ATG4A: variants seen among roughly 807,000 people sequenced by gnomAD.
The protein encoded by ATG4A is cysteine protease ATG4A.
Under a neutral mutation model 38.4 loss-of-function variants are expected in ATG4A, and 22 were observed. The ratio of observed to expected loss-of-function variants is 0.57; its 90% CI spans 0.41 to 0.82. ATG4A has a LOEUF of 0.82. ATG4A is among the 40% of genes least tolerant of loss of function. ATG4A has a pLI of 0.00. For missense variants in ATG4A, 220 were observed against 290.0 expected, an observed-to-expected ratio of 0.76 and a Z score of 1.75; for synonymous variants, 86 against 100.7, an observed-to-expected ratio of 0.85 and a Z score of 0.88.
chrX:108,135,544 C>A (rs954367234), intron 6 of ATG4A, among the ~76,000 whole-genome samples: 1 of 111,763 alleles, frequency 8.9e-6, no homozygotes, highest in Admixed American at 9.5e-5. Flanking sequence ...AATGTAACCT[C>A]TCTGAGGCTG....
Position 108,128,669 on chromosome X carries a change from C to A in ATG4A, c.122-112C>A. 2 of 414,143 alleles carry A rather than the reference C, an allele frequency of 4.8e-6. 1 individual carries two copies. The highest frequency in any genetic ancestry group is 9.5e-5 in the South Asian group (2 of 21,109). 34.1% of individuals were successfully genotyped at this position (414,143 alleles called of 1,213,427 possible). ...GGTTTCCTGTGAATTTACCTAGCCC[C>A]ATAATAATGGAATTGACTGGTTATT... On this transcript the variant is annotated intron_variant, in intron 2 of 12. Coordinates refer to ENST00000372232, the MANE Select transcript of ATG4A (RefSeq NM_052936.5).
intron 1 of ATG4A, among the ~76,000 whole-genome samples, chrX:108,108,191 A>G (rs1195738402): frequency 1.3e-5 from 1 of 76,277 alleles, no homozygotes; most frequent in African/African-American, 5.6e-5. Context: ...CACCCATGGC[A>G]TTGCTGGGTT....
At chrX:108,108,309 G>C (rs1368107613) in intron 1 of ATG4A, among the ~76,000 whole-genome samples, 2 of 108,115 alleles carry the variant, frequency 1.8e-5, no homozygotes, top group African/African-American at 6.7e-5. Flanking sequence ...ACCAGGAATA[G>C]AAGAAGCCAC....
chrX:108,126,368 C>T (rs1248834494), intron 2 of ATG4A, among the ~76,000 whole-genome samples, 181 bp downstream of exon 2: 1 of 111,945 alleles, frequency 8.9e-6, no homozygotes, highest in Non-Finnish European at 1.9e-5. Context: ...CTTGGACAGG[C>T]CCCTTCCAAG....
Position 108,110,506 on chromosome X carries a change from T to C in ATG4A, c.11-15571T>C, listed in dbSNP as rs758410433. Among the ~76,000 whole-genome samples the C allele has an allele frequency of 4.1e-3, 460 of 111,813 alleles. 3 individuals are homozygous for C. The highest frequency in any genetic ancestry group is 0.014 in the African/African-American group (430 of 30,739). On this transcript the variant is annotated intron_variant, in intron 1 of 12. Coordinates refer to ENST00000372232, the MANE Select transcript of ATG4A (RefSeq NM_052936.5). ...TATTTGAAACTATGTTATTGTTAAC[T>C]ATAGTCATCCTACAATGGTATAGAA...
intron 6 of ATG4A, among the ~76,000 whole-genome samples, chrX:108,135,229 A>G (rs185459914): frequency 4.7e-4 from 53 of 112,474 alleles, no homozygotes; most frequent in Non-Finnish European, 7.9e-4. Flanking sequence ...ACTAGCACAT[A>G]GAACTGCCTG....
Position 108,154,042 on chromosome X carries a change from C to G in ATG4A, c.*330C>G, listed in dbSNP as rs918586584. The G allele has an allele frequency of 6.0e-6, 1 of 166,405 alleles. No individual in the cohort carries two copies. The highest frequency in any genetic ancestry group is 3.1e-5 in the African/African-American group (1 of 32,764). The allele number at this position is 166,405 out of a possible 1,213,427, so 13.7% of individuals were successfully genotyped here. A position where few individuals can be genotyped will look rare whatever the true frequency, so the allele number is the denominator to read the frequency against. ...AGGAAATGGGCATCTGGAAGACAAA[C>G]AGCAACTCTCAGCTTGCTTCAAGAA... is the stretch of plus-strand genomic sequence containing the variant. On this transcript the variant is annotated 3_prime_UTR_variant, in exon 13 of 13. Coordinates refer to ENST00000372232, the MANE Select transcript of ATG4A (RefSeq NM_052936.5).
At chrX:108,130,531 G>T (rs1318007479) in intron 3 of ATG4A, among the ~76,000 whole-genome samples, 1 of 112,157 alleles carries the variant, frequency 8.9e-6, no homozygotes, top group Admixed American at 9.4e-5. Context: ...TTTAAATTAT[G>T]ATCATACTCA....
At chrX:108,140,860 TTA>T (rs1327735087) in intron 9 of ATG4A, among the ~76,000 whole-genome samples, 2 of 96,751 alleles carry the variant, frequency 2.1e-5, no homozygotes, top group African/African-American at 7.5e-5. Flanking sequence ...CATATACATT[TTA>T]TATATATAAT....
chrX:108,118,101 G>GT (rs1204901044), intron 1 of ATG4A, among the ~76,000 whole-genome samples: 1 of 112,384 alleles, frequency 8.9e-6, no homozygotes, highest in African/African-American at 3.2e-5. Flanking sequence ...TCTGGGAGTA[G>GT]TTTAGATCAC....
chrX:108,153,890 A>C lies in ATG4A; in HGVS notation c.*178A>C. 7.6e-6 allele frequency: 3 copies of C among 394,362 alleles called. No individual in the cohort carries two copies. Among genetic ancestry groups the C allele is most frequent in the Non-Finnish European group, 1.3e-5 (3 of 226,336 alleles). The allele number at this position is 394,362 out of a possible 1,213,427, so 32.5% of individuals were successfully genotyped here. On this transcript the variant is annotated 3_prime_UTR_variant, in exon 13 of 13. Transcript: ENST00000372232. ...AGAAAAACAAAACAAAACAAAACAA[A>C]TGACAGTAACCCTTCCCCGGAAAGA... is the stretch of plus-strand genomic sequence containing the variant.
upstream of ATG4A, chrX:108,091,401 C>A (rs764154213): frequency 8.3e-7 from 1 of 1,207,110 alleles, no homozygotes; most frequent in African/African-American, 1.7e-5. Flanking sequence ...CCTAGCGTTG[C>A]TTTACCTGGT....
intron 1 of ATG4A, among the ~76,000 whole-genome samples, chrX:108,108,823 A>T: frequency 8.9e-6 from 1 of 111,937 alleles, no homozygotes; most frequent in Middle Eastern, 4.6e-3. Context: ...TATGAATTTG[A>T]CTACTTTAGA....
intron 1 of ATG4A, among the ~76,000 whole-genome samples, chrX:108,109,020 T>C (rs771611852): frequency 8.9e-5 from 10 of 112,206 alleles, no homozygotes; most frequent in Non-Finnish European, 1.9e-4. Flanking sequence ...TTTGGATACA[T>C]ATCTGGAAGT....
upstream of ATG4A, chrX:108,091,442 G>C: frequency 1.6e-6 from 2 of 1,212,375 alleles, no homozygotes; most frequent in Non-Finnish European, 2.2e-6. Flanking sequence ...TTATCGGCCA[G>C]AATACTCTCC....
chrX:108,122,441 T>G (rs1359310807), intron 1 of ATG4A, among the ~76,000 whole-genome samples: 2 of 111,803 alleles, frequency 1.8e-5, no homozygotes, highest in Non-Finnish European at 3.8e-5. Context: ...AATGGCTGCA[T>G]GTTGATAAGA....
At chrX:108,097,727 G>A (rs1241425761) in intron 1 of ATG4A, among the ~76,000 whole-genome samples, 1 of 111,734 alleles carries the variant, frequency 8.9e-6, no homozygotes, top group Non-Finnish European at 1.9e-5. Context: ...CAACTTGAGG[G>A]TATACGCAAA....
At chrX:108,136,417 A>G (rs1407650905) in intron 6 of ATG4A, among the ~76,000 whole-genome samples, 1 of 111,286 alleles carries the variant, frequency 9.0e-6, no homozygotes, top group East Asian at 2.8e-4. Flanking sequence ...CTCTCTTTTA[A>G]AGGGGTTTTC....
In ATG4A at chrX:108,153,103, A is replaced by G. The variant is rs2033627876; in HGVS notation, c.1126+16A>G. ...ACTGGGGCAGGTAAGCTGTTGTTCAATGGCTCTCAGCTAGCAGACCCACAT... is the reference window on the plus strand; with the variant it reads ...ACTGGGGCAGGTAAGCTGTTGTTCAGTGGCTCTCAGCTAGCAGACCCACAT... On this transcript the variant is annotated intron_variant, in intron 12 of 12. Coordinates refer to ENST00000372232, the MANE Select transcript of ATG4A (RefSeq NM_052936.5). The G allele has an allele frequency of 5.4e-6, 6 of 1,119,937 alleles. No homozygotes were observed. In the African/African-American group the frequency reaches 1.1e-4, roughly 20 times the overall value. The allele number at this position is 1,119,937 out of a possible 1,213,427, so 92.3% of individuals were successfully genotyped here.
Sources: gnomAD v4.1 joint callset for allele counts (sites outside exome capture counted in the v4.1 genomes callset) on GRCh38, gnomAD v4.1.1 for gene constraint, MANE v1.5 for transcripts, NCBI Gene and HGNC (gene_info 2026-07-23, HGNC 2026-07-21) for gene names.